FHOD3: variants seen among roughly 807,000 people sequenced by gnomAD.
FHOD3 encodes formin homology 2 domain containing 3.
A neutral mutation model predicts 173.0 loss-of-function variants in FHOD3; 90 were observed. The observed-to-expected ratio is 0.52, with a 90% confidence interval of 0.44 to 0.62. The LOEUF is 0.62. Ranked by LOEUF, FHOD3 falls within the 20% of genes least tolerant of loss-of-function variation. The pLI is 0.00. For missense variants in FHOD3, 1,945 were observed against 2,034.7 expected, an observed-to-expected ratio of 0.96 and a Z score of 0.85; for synonymous variants, 828 against 823.0, an observed-to-expected ratio of 1.01 and a Z score of -0.10.
At chr18:36,331,206 G>A (rs1234292518) in intron 1 of FHOD3, among the ~76,000 whole-genome samples, 2 of 152,042 alleles carry the variant, frequency 1.3e-5, no homozygotes, top group Non-Finnish European at 2.9e-5. Flanking sequence ...AAATTCTCTG[G>A]CATTCAAAAA....
At chr18:36,766,430 G>A (rs2043139828) in intron 27 of FHOD3, among the ~76,000 whole-genome samples, 1 of 152,180 alleles carries the variant, frequency 6.6e-6, no homozygotes, top group African/African-American at 2.4e-5. Flanking sequence ...GGTCTAGATT[G>A]CTTTATCCTC....
At chr18:36,459,862 G>C (rs1250028581) in intron 3 of FHOD3, among the ~76,000 whole-genome samples, 1 of 151,986 alleles carries the variant, frequency 6.6e-6, no homozygotes, top group Admixed American at 6.6e-5. Flanking sequence ...GTTTTTAGCT[G>C]ATGCCCTTTT....
At chr18:36,551,091 T>C (rs1443449780) in intron 5 of FHOD3, among the ~76,000 whole-genome samples, 2 of 152,230 alleles carry the variant, frequency 1.3e-5, no homozygotes, top group Admixed American at 6.5e-5. Context: ...AGTTTCCTTT[T>C]ATTTCTTGTT....
At chr18:36,402,678 T>C (rs74624318) in intron 3 of FHOD3, among the ~76,000 whole-genome samples, 2,820 of 152,276 alleles carry the variant, frequency 0.019, 35 homozygotes, top group Non-Finnish European at 0.032. Context: ...TACTGCTTGT[T>C]TGATGTGACA....
intron 14 of FHOD3, among the ~76,000 whole-genome samples, chr18:36,669,124 G>A (rs956863812): frequency 5.3e-5 from 8 of 151,606 alleles, no homozygotes; most frequent in African/African-American, 1.9e-4. Flanking sequence ...GTTTTCCCTC[G>A]TATCTTGAAG....
At chr18:36,618,313 T>G (rs1297342721) in intron 9 of FHOD3, among the ~76,000 whole-genome samples, 7 of 16,904 alleles carry the variant, frequency 4.1e-4, no homozygotes, top group East Asian at 1.9e-3. Context: ...TTTTGGTGGT[T>G]TTTTTTTTTT....
At chr18:36,461,944 TCAATAAAATTAAGTTGGA>T (rs1386531697) in intron 3 of FHOD3, among the ~76,000 whole-genome samples, 1 of 152,222 alleles carries the variant, frequency 6.6e-6, no homozygotes, top group Non-Finnish European at 1.5e-5. Context: ...CATTTCTTTT[TCAATAAAATTAAGTTGGA>T]CAGGAAGATC....
intron 28 of FHOD3, among the ~76,000 whole-genome samples, chr18:36,776,340 G>A (rs1289038239): frequency 6.6e-6 from 1 of 152,136 alleles, no homozygotes; most frequent in African/African-American, 2.4e-5. Context: ...GGGTGTACAT[G>A]TACATGATGT....
chr18:36,410,285 G>A (rs898353853), intron 3 of FHOD3, among the ~76,000 whole-genome samples: 1 of 152,090 alleles, frequency 6.6e-6, no homozygotes, highest in South Asian at 2.1e-4. Context: ...GTCTGGCTTC[G>A]TTCACTTAGC....
In FHOD3 at chr18:36,666,148, A is replaced by G. The variant is rs7234841; in HGVS notation, c.1835+7960A>G. ...CATGTGGGACCAGTCTCCACAGCAC[A>G]CTGCGTGAGCCCTGCTATTCCTTCC... On this transcript the variant is annotated intron_variant, in intron 14 of 28. Coordinates refer to ENST00000590592, the MANE Select transcript of FHOD3 (RefSeq NM_001281740.3). Among the ~76,000 whole-genome samples, 1,398 of 152,388 alleles carry G rather than the reference A, an allele frequency of 9.2e-3. 29 individuals are homozygous for G. The highest frequency in any genetic ancestry group is 0.031 in the African/African-American group (1,306 of 41,592).
At chr18:36,743,730 G>A (rs1433623200) in intron 22 of FHOD3, among the ~76,000 whole-genome samples, 2 of 152,156 alleles carry the variant, frequency 1.3e-5, no homozygotes, top group Non-Finnish European at 2.9e-5. Context: ...ACAACAACAG[G>A]CAAAGGGAGG....
At chr18:36,504,290 T>C (rs1404109421) in intron 4 of FHOD3, among the ~76,000 whole-genome samples, 3 of 152,186 alleles carry the variant, frequency 2.0e-5, no homozygotes, top group African/African-American at 7.2e-5. Context: ...TCAGTTTTCC[T>C]TCTGGTATCT....
At chr18:36,339,474 A>G (rs998942259) in intron 1 of FHOD3, among the ~76,000 whole-genome samples, 5 of 152,244 alleles carry the variant, frequency 3.3e-5, no homozygotes, top group Admixed American at 2.0e-4. Context: ...CTATGTGGCT[A>G]TAGTCCTGAA....
In FHOD3 at chr18:36,746,960, C is replaced by G; in HGVS notation, c.4057C>G (p.Leu1353Val). The G allele has an allele frequency of 6.2e-7, 1 of 1,610,002 alleles. No individual in the cohort carries two copies. ...TRSAKVDFDQ[L>V]QDNLCQMERR... ...TGATTTTCAGGTTGACTTTGATCAA[C>G]TTCAGGATAATTTATGTCAGATGGA... Residue 1353 changes from leucine (L) to valine (V), a missense_variant, in exon 24 of 29, where the codon CTT (leucine) becomes GTT (valine). Around this residue, in one of 5 missense-constraint regions of FHOD3, gnomAD observed 354 missense variants for 359.9 expected, o/e 0.98. Transcript: ENST00000590592.
chr18:36,470,254 A>G (rs1218379107), intron 3 of FHOD3, among the ~76,000 whole-genome samples: 3 of 152,222 alleles, frequency 2.0e-5, no homozygotes, highest in South Asian at 2.1e-4. Flanking sequence ...TGTCTGCCCA[A>G]TGCTGAATAG....
At chr18:36,713,924 T>C (rs1021717153) in intron 18 of FHOD3, among the ~76,000 whole-genome samples, 1 of 152,130 alleles carries the variant, frequency 6.6e-6, no homozygotes, top group East Asian at 1.9e-4. Flanking sequence ...AATTAAAAGA[T>C]AGATGGCAGA....
intron 15 of FHOD3, among the ~76,000 whole-genome samples, chr18:36,686,497 T>C (rs2149445254): frequency 6.6e-6 from 1 of 151,038 alleles, no homozygotes; most frequent in Admixed American, 6.6e-5. Context: ...AGTGGGGGGA[T>C]TGGGGAGGGA....
intron 8 of FHOD3, among the ~76,000 whole-genome samples, chr18:36,608,809 T>C (rs1356701897): frequency 6.6e-6 from 1 of 152,258 alleles, no homozygotes; most frequent in East Asian, 1.9e-4. Flanking sequence ...TAATCTTTTA[T>C]TGCATATATT....
intron 10 of FHOD3, among the ~76,000 whole-genome samples, chr18:36,638,994 G>A (rs1225699892): frequency 2.6e-5 from 4 of 152,144 alleles, no homozygotes; most frequent in Non-Finnish European, 4.4e-5. Flanking sequence ...AGCCAGAACT[G>A]GAGTCTTCCA....
Sources: gnomAD v4.1 joint callset for allele counts (sites outside exome capture counted in the v4.1 genomes callset) on GRCh38, gnomAD v4.1.1 for gene constraint, gnomAD v4.1.1 regional missense constraint, MANE v1.5 for transcripts, NCBI Gene and HGNC (gene_info 2026-07-23, HGNC 2026-07-21) for gene names.